ABHD2: variants seen among roughly 807,000 people sequenced by gnomAD.
ABHD2 encodes the protein monoacylglycerol lipase ABHD2.
Under a neutral mutation model 48.1 loss-of-function variants are expected in ABHD2, and 20 were observed. That is an observed-to-expected ratio of 0.42 (90% CI 0.29 to 0.60). The LOEUF (loss-of-function observed/expected upper bound fraction) is 0.60, where lower values mean the gene tolerates loss of function less well. Ranked by LOEUF, ABHD2 falls within the 20% of genes least tolerant of loss-of-function variation. The probability of loss-of-function intolerance (pLI) is 0.24; values close to 1 mark genes in which losing one functional copy is unlikely to be tolerated. For missense variants in ABHD2, 405 were observed against 550.9 expected, an observed-to-expected ratio of 0.74 and a Z score of 2.65; for synonymous variants, 209 against 214.2, an observed-to-expected ratio of 0.98 and a Z score of 0.21.
intron 3 of ABHD2, among the ~76,000 whole-genome samples, chr15:89,118,136 T>C (rs2049990914): frequency 6.6e-6 from 1 of 152,214 alleles, no homozygotes; most frequent in African/African-American, 2.4e-5. Flanking sequence ...GTATATGTTT[T>C]GAAAATCATC....
chr15:89,075,433 T>C, the ABHD2 span: 2 of 152,240 alleles, frequency 1.3e-5, no homozygotes, highest in East Asian at 3.9e-4. This position sits in a 1 kb window ranked among gnomAD's most constrained non-coding sequence, Gnocchi z 4.1. Context: ...GTAGTCCAGA[T>C]CGAGTCAAAG....
Position 89,201,783 on chromosome 15 carries a change from GC to G in ABHD2, c.*6364del, listed in dbSNP as rs1265298147. On this transcript the variant is annotated 3_prime_UTR_variant, in exon 11 of 11. Transcript: ENST00000352732. ...CAGGATCTGCTCGTGCTTCGCCGTGGCCCCGGAGGCAGACGCCATTGGAGAG... is the reference window on the plus strand; with the variant it reads ...CAGGATCTGCTCGTGCTTCGCCGTGGCCCGGAGGCAGACGCCATTGGAGAG... 28 of 1,463,246 alleles carry G rather than the reference GC, an allele frequency of 1.9e-5. No individual in the cohort carries two copies. The highest frequency in any genetic ancestry group is 1.5e-4 in the Admixed American group (9 of 59,802). 90.6% of individuals were successfully genotyped at this position (1,463,246 alleles called of 1,614,324 possible).
rs566913719 is a variant in ABHD2 at position 89,104,546 on chromosome 15, C to G, written c.-106-9179C>G. 6.6e-6 allele frequency among the ~76,000 whole-genome samples: 1 copy of G among 152,310 alleles called. No individual in the cohort carries two copies. Among genetic ancestry groups the G allele is most frequent in the South Asian group, 2.1e-4 (1 of 4,830 alleles). Reference sequence around the variant, plus strand: ...GGGGCACTGGGAGCCTTGTCTGCTCCCAGTCGGCGTTGGGAAACCAGAACG... The same window carrying G: ...GGGGCACTGGGAGCCTTGTCTGCTCGCAGTCGGCGTTGGGAAACCAGAACG... On this transcript the variant is annotated intron_variant, in intron 1 of 10. Coordinates refer to ENST00000352732, the MANE Select transcript of ABHD2 (RefSeq NM_152924.5). The surrounding 1 kb of genome is among the most constrained non-coding windows in gnomAD (Gnocchi z 4.4).
chr15:89,181,235 A>AAAAG, intron 6 of ABHD2, among the ~76,000 whole-genome samples: 1 of 150,944 alleles, frequency 6.6e-6, no homozygotes, highest in Non-Finnish European at 1.5e-5. Context: ...TCTCAAAAAA[A>AAAAG]AAAAAAAAAA....
At chr15:89,110,340 C>T (rs374263606) in intron 1 of ABHD2, among the ~76,000 whole-genome samples, 4 of 151,674 alleles carry the variant, frequency 2.6e-5, no homozygotes, top group African/African-American at 7.3e-5. Flanking sequence ...GGATTACAGG[C>T]GTGAGTCCCC....
Position 89,201,259 on chromosome 15 carries a change from C to T in ABHD2, c.*5836C>T, listed in dbSNP as rs2051462773. 6 of 1,219,452 alleles carry T rather than the reference C, an allele frequency of 4.9e-6. No homozygotes were observed. In the Admixed American group the frequency reaches 1.2e-4, roughly 25 times the overall value. 75.5% of individuals were successfully genotyped at this position (1,219,452 alleles called of 1,614,324 possible). A position where few individuals can be genotyped will look rare whatever the true frequency, so the allele number is the denominator to read the frequency against. On this transcript the variant is annotated 3_prime_UTR_variant, in exon 11 of 11. Coordinates refer to ENST00000352732, the MANE Select transcript of ABHD2 (RefSeq NM_152924.5). The stretch of plus-strand genomic sequence containing the variant: ...GGTGTTGATTTGCTTCTGATAGCTT[C>T]ATCATTTCTCCCTGAAGTCTTTTAC...
At position 89,094,192 on chromosome 15, in the gene ABHD2, T is replaced by A. The variant is rs2049574267; in HGVS notation, c.-107+5629T>A. On this transcript the variant is annotated intron_variant, in intron 1 of 10. Transcript: ENST00000352732. This position sits in a 1 kb window ranked among gnomAD's most constrained non-coding sequence, Gnocchi z 4.7. ...CAGGCTAGAGTGCAGTGGCCCGATC[T>A]CGGTGCACTGCAACCTCTGCTTCCC... The A allele has an allele frequency of 6.6e-6, 1 of 152,072 alleles. No homozygotes were observed. The highest frequency in any genetic ancestry group is 2.1e-4 in the South Asian group (1 of 4,814). The allele number at this position is 152,072 out of a possible 1,614,324, so 9.4% of individuals were successfully genotyped here. A position where few individuals can be genotyped will look rare whatever the true frequency, so the allele number is the denominator to read the frequency against.
the ABHD2 span, among the ~76,000 whole-genome samples, chr15:89,064,521 C>A: frequency 1.3e-5 from 2 of 152,128 alleles, no homozygotes; most frequent in Non-Finnish European, 2.9e-5. Flanking sequence ...AGCTATCGCG[C>A]CCGGCCAACA....
the ABHD2 span, among the ~76,000 whole-genome samples, chr15:89,050,892 C>T: frequency 1.3e-5 from 2 of 151,982 alleles, no homozygotes; most frequent in South Asian, 4.1e-4. Context: ...ATCTACTGAG[C>T]ATCTGCTATG....
At position 89,191,118 on chromosome 15, in the gene ABHD2, A is replaced by G; in HGVS notation, c.965A>G (p.Glu322Gly). 6.2e-7 allele frequency: 1 copy of G among 1,614,022 alleles called. No homozygotes were observed. The highest frequency in any genetic ancestry group is 1.1e-5 in the South Asian group (1 of 91,078). Reference protein sequence around the residue: ...HGYNSLKEYYEEESCMRYLHR... With the variant: ...HGYNSLKEYYGEESCMRYLHR... ...TATAACTCCCTGAAGGAATACTATG[A>G]GGAAGAAAGTTGCATGCGGTACCTG... The change falls in exon 9 of 11, where the codon GAG becomes GGG. Residue 322 changes from glutamate to glycine, a missense_variant. Transcript: ENST00000352732.
the ABHD2 span, among the ~76,000 whole-genome samples, chr15:89,074,510 A>G: frequency 6.6e-6 from 1 of 152,248 alleles, no homozygotes; most frequent in Non-Finnish European, 1.5e-5. Context: ...GGGGATTCTA[A>G]TGTGTCACCA....
intron 3 of ABHD2, among the ~76,000 whole-genome samples, chr15:89,149,864 TG>T (rs1217679253): frequency 6.6e-6 from 1 of 151,716 alleles, no homozygotes; most frequent in East Asian, 1.9e-4. Flanking sequence ...CAGTGGAGGG[TG>T]GGGGCCAGGC....
At position 89,151,548 on chromosome 15, in the gene ABHD2, C is replaced by T. The variant is rs776813697; in HGVS notation, c.195-129C>T. ...GGCACGGATGTAACGTAATAAAAGC[C>T]TCATGTTTATGCTTTGTGTGCAGAA... On this transcript the variant is annotated intron_variant, in intron 3 of 10. Transcript: ENST00000352732. The surrounding 1 kb of genome is among the most constrained non-coding windows in gnomAD (Gnocchi z 4.7). 9.3e-6 allele frequency: 9 copies of T among 965,758 alleles called. No homozygotes were observed. The highest frequency in any genetic ancestry group is 1.4e-5 in the Non-Finnish European group (9 of 651,060). 59.8% of individuals were successfully genotyped at this position (965,758 alleles called of 1,614,324 possible). A position where few individuals can be genotyped will look rare whatever the true frequency, so the allele number is the denominator to read the frequency against.
In ABHD2 at chr15:89,134,014, A is replaced by T. The variant is rs151173093; in HGVS notation, c.194+17493A>T. Among the ~76,000 whole-genome samples, 983 of 151,442 alleles carry T rather than the reference A, an allele frequency of 6.5e-3. 11 individuals carry two copies. Among genetic ancestry groups the T allele is most frequent in the African/African-American group, 0.022 (926 of 41,252 alleles). ...ACCACGACCGGCTAATTTTTTTTGTATTTTTAGTAGAGACGGGGTTTCACC... is the reference window on the plus strand; with the variant it reads ...ACCACGACCGGCTAATTTTTTTTGTTTTTTTAGTAGAGACGGGGTTTCACC... On this transcript the variant is annotated intron_variant, in intron 3 of 10. Transcript: ENST00000352732.
Position 89,182,523 on chromosome 15 carries a change from C to T in ABHD2, c.723-2901C>T, listed in dbSNP as rs1237453357. ...TATTCAGGCCAGGTGAAGTGCCTCA[C>T]GCCTGTAATTCCAACACTTTGGAAG... On this transcript the variant is annotated intron_variant, in intron 6 of 10. Transcript: ENST00000352732. This position sits in a 1 kb window ranked among gnomAD's most constrained non-coding sequence, Gnocchi z 4.8. Among the ~76,000 whole-genome samples, 2 of 152,150 alleles carry T rather than the reference C, an allele frequency of 1.3e-5. No individual in the cohort carries two copies. Among genetic ancestry groups the T allele is most frequent in the Non-Finnish European group, 2.9e-5 (2 of 68,032 alleles).
At position 89,169,554 on chromosome 15, in the gene ABHD2, G is replaced by A. The variant is rs1359800676; in HGVS notation, c.539-6258G>A. Among the ~76,000 whole-genome samples the A allele has an allele frequency of 2.0e-5, 3 of 152,174 alleles. No homozygotes were observed. In the East Asian group the frequency reaches 5.8e-4, roughly 29 times the overall value. On this transcript the variant is annotated intron_variant, in intron 5 of 10. Transcript: ENST00000352732. ...GGAACCAAACATAAAGATATAGTTA[G>A]CTAAGAGATGACAAAATTAGGCAGA...
rs577317895 is a variant in ABHD2, at chr15:89,197,887, A to T, written c.*2464A>T. On this transcript the variant is annotated 3_prime_UTR_variant, in exon 11 of 11. Coordinates refer to ENST00000352732, the MANE Select transcript of ABHD2 (RefSeq NM_152924.5). The surrounding 1 kb of genome is among the most constrained non-coding windows in gnomAD (Gnocchi z 4.4). ...CACATTCCATTTTGGCTCACATGAAACTAACTGAAGCCCTTTGTTCAAGCT... is the reference window on the plus strand; with the variant it reads ...CACATTCCATTTTGGCTCACATGAATCTAACTGAAGCCCTTTGTTCAAGCT... 6.6e-6 allele frequency: 1 copy of T among 152,312 alleles called. No individual in the cohort carries two copies. The highest frequency in any genetic ancestry group is 2.1e-4 in the South Asian group (1 of 4,820). The allele number at this position is 152,312 out of a possible 1,614,324, so 9.4% of individuals were successfully genotyped here.
intron 3 of ABHD2, among the ~76,000 whole-genome samples, chr15:89,143,040 C>T (rs562071773): frequency 1.3e-5 from 2 of 152,136 alleles, no homozygotes; most frequent in East Asian, 3.9e-4. Flanking sequence ...ATTTTATCTT[C>T]ATCAGGGTTG....
chr15:89,081,451 C>G, the ABHD2 span, among the ~76,000 whole-genome samples: 1 of 152,124 alleles, frequency 6.6e-6, no homozygotes, highest in East Asian at 1.9e-4. Flanking sequence ...GCTATGAACC[C>G]TGGCATACAA....
Sources: allele counts gnomAD v4.1 joint callset (sites outside exome capture counted in the v4.1 genomes callset), GRCh38; gene constraint gnomAD v4.1.1; non-coding constraint Gnocchi (gnomAD v3.1); transcripts MANE v1.5; gene names NCBI Gene and HGNC (gene_info 2026-07-23, HGNC 2026-07-21).